The following DPH1 variants were observed in gnomAD, a reference collection of about 807,000 sequenced individuals.
DPH1 encodes the protein diphthamide biosynthesis 1.
In DPH1, 59 loss-of-function variants were observed where a neutral mutation model predicts 55.3. The ratio of observed to expected loss-of-function variants is 1.07; its 90% confidence interval spans 0.87 to 1.33. The LOEUF is 1.33. Ranked by LOEUF, DPH1 falls within the 40% of genes most tolerant of loss-of-function variation. DPH1 has a pLI of 0.00. For synonymous variants in DPH1, 238 were observed against 235.5 expected, an observed-to-expected ratio of 1.01 and a Z score of -0.10; for missense variants, 628 against 584.8, an observed-to-expected ratio of 1.07 and a Z score of -0.76.
At position 2,040,534 on chromosome 17, in the gene DPH1, C is replaced by G; in HGVS notation, c.936C>G (p.Gly312=). Residue 312 remains glycine (G), a synonymous_variant, in exon 9 of 13, where the codon GGC becomes GGG. Coordinates refer to ENST00000263083, the MANE Select transcript of DPH1 (RefSeq NM_001383.6). ...EHLESRLRAL[G]LSFVRLLLSE... ...TGGAATCTCGACTCCGAGCCTTGGGCCTTTCCTTTGTGAGGCTGCTGCTCT... is the reference window on the plus strand; with the variant it reads ...TGGAATCTCGACTCCGAGCCTTGGGGCTTTCCTTTGTGAGGCTGCTGCTCT... 6.2e-7 allele frequency: 1 copy of G among 1,614,196 alleles called. No individual in the cohort carries two copies. Among genetic ancestry groups the G allele is most frequent in the African/African-American group, 1.3e-5 (1 of 75,056 alleles).
At chr17:2,033,396 T>C (rs1452349484) in intron 1 of DPH1, 109 bp from the exon 2 acceptor site, 2 of 1,554,288 alleles carry the variant, frequency 1.3e-6, no homozygotes, top group East Asian at 2.3e-5. Flanking sequence ...AATTTTTATT[T>C]CTATGCTTGA....
chr17:2,033,922 C>T (rs1417731773), intron 3 of DPH1, 80 bp downstream of exon 3: 2 of 1,550,498 alleles, frequency 1.3e-6, no homozygotes, highest in East Asian at 2.3e-5. Context: ...GGGTAAAGCC[C>T]TGGTGGCGGG....
At chr17:2,041,035 G>A in intron 9 of DPH1, 68 bp from the exon 10 acceptor site, 1 of 1,482,306 alleles carries the variant, frequency 6.7e-7, no homozygotes, top group Non-Finnish European at 9.2e-7. Context: ...GCACTGTCAT[G>A]TTCTTCAGCA....
chr17:2,037,276 A>G (rs965163186), intron 6 of DPH1: 8 of 218,740 alleles, frequency 3.7e-5, no homozygotes, highest in Non-Finnish European at 6.3e-5. Context: ...CAGCCCCATT[A>G]ATTTACCATC....
chr17:2,035,214 G>T (rs1227101684), intron 3 of DPH1, among the ~76,000 whole-genome samples: 1 of 152,060 alleles, frequency 6.6e-6, no homozygotes, highest in East Asian at 1.9e-4. Flanking sequence ...TTCCTAGGGT[G>T]AGTTCAGGGG....
intron 1 of DPH1, among the ~76,000 whole-genome samples, chr17:2,030,946 C>T (rs980548857): frequency 2.6e-5 from 4 of 152,216 alleles, no homozygotes; most frequent in African/African-American, 7.2e-5. Context: ...TCCCCACCGC[C>T]GCCCACACAG....
rs1299453059 is a variant in DPH1 at position 2,041,758 on chromosome 17, G to A, written c.1228-10G>A. On this transcript the variant is annotated splice_polypyrimidine_tract_variant and intron_variant, in intron 11 of 12. Coordinates refer to ENST00000263083, the MANE Select transcript of DPH1 (RefSeq NM_001383.6). ...AGGAGCGAGACCCTAACCAAAGTCT[G>A]CGACCTCAGGTGCAGGAGGGGTCCG... 6 of 1,600,708 alleles carry A rather than the reference G, an allele frequency of 3.7e-6. No individual in the cohort carries two copies. Among genetic ancestry groups the A allele is most frequent in the African/African-American group, 1.3e-5 (1 of 74,574 alleles).
intron 1 of DPH1, among the ~76,000 whole-genome samples, chr17:2,032,183 G>A (rs548129993): frequency 5.3e-5 from 8 of 152,290 alleles, no homozygotes; most frequent in Admixed American, 5.2e-4. Flanking sequence ...ATATCTAGAA[G>A]CTCAAAACTT....
intron 1 of DPH1, chr17:2,033,299 T>C: frequency 2.9e-6 from 2 of 694,660 alleles, no homozygotes; most frequent in South Asian, 1.9e-5. Context: ...TTGTTTATTA[T>C]CTTCTTGTTT....
chr17:2,040,732 C>A, intron 9 of DPH1, 127 bp downstream of exon 9: 1 of 1,117,896 alleles, frequency 8.9e-7, no homozygotes. Context: ...TTACAGAGAC[C>A]TCCCTGGGAG....
At chr17:2,041,975 T>A in intron 12 of DPH1, 100 bp downstream of exon 12, 15 of 1,504,666 alleles carry the variant, frequency 1.0e-5, no homozygotes, top group Non-Finnish European at 1.3e-5. Flanking sequence ...GACGTTCGGT[T>A]CCGCCCCGTG....
intron 3 of DPH1, 27 bp from the exon 4 acceptor site, chr17:2,035,943 C>T: frequency 6.2e-7 from 1 of 1,613,510 alleles, no homozygotes; most frequent in Non-Finnish European, 8.5e-7. Flanking sequence ...GTCCCTGTCC[C>T]ACCGTTCCCC....
At chr17:2,032,983 C>G (rs1201033663) in intron 1 of DPH1, among the ~76,000 whole-genome samples, 1 of 152,202 alleles carries the variant, frequency 6.6e-6, no homozygotes, top group Non-Finnish European at 1.5e-5. Flanking sequence ...CCGCCCGCCT[C>G]AGCCTCCCAA....
At position 2,036,829 on chromosome 17, in the gene DPH1, C is replaced by A. The variant is rs769384703; in HGVS notation, c.559-6C>A. 3 of 1,613,284 alleles carry A rather than the reference C, an allele frequency of 1.9e-6. No individual in the cohort carries two copies. The Admixed American group carries it at 5.0e-5, about 27-fold the overall frequency. ...GCTGGCTTCACTTCCCTCGTCATTCCTACAGGCAGCCGCCCAGGAGCTGAA... is the reference window on the plus strand; with the variant it reads ...GCTGGCTTCACTTCCCTCGTCATTCATACAGGCAGCCGCCCAGGAGCTGAA... On this transcript the variant is annotated splice_polypyrimidine_tract_variant and splice_region_variant and intron_variant, in intron 5 of 12. Transcript: ENST00000263083. The surrounding 1 kb of genome is among the most constrained non-coding windows in gnomAD (Gnocchi z 4.8).
intron 7 of DPH1, 106 bp from the exon 8 acceptor site, chr17:2,040,112 G>A (rs999155718): frequency 1.6e-5 from 23 of 1,466,620 alleles, no homozygotes; most frequent in East Asian, 1.4e-4. Flanking sequence ...AATTACCTGC[G>A]TGGGGCCTAA....
At chr17:2,042,070 G>T in intron 12 of DPH1, 195 bp downstream of exon 12, 1 of 1,557,346 alleles carries the variant, frequency 6.4e-7, no homozygotes, top group South Asian at 1.2e-5. Flanking sequence ...CGACCCCTGC[G>T]GGTCCTGTGC....
In DPH1 at chr17:2,030,223, T is replaced by C; in HGVS notation, c.54T>C (p.Pro18=). 1 of 1,585,410 alleles carries C rather than the reference T, an allele frequency of 6.3e-7. No homozygotes were observed. Among genetic ancestry groups the C allele is most frequent in the South Asian group, 1.2e-5 (1 of 86,746 alleles). Reference sequence around the variant, plus strand: ...CGGAGCAGGGCGGCCGAGACGGCCCTGGCAGAGGTGGGTGCTGGAACGCTG... The same window carrying C: ...CGGAGCAGGGCGGCCGAGACGGCCCCGGCAGAGGTGGGTGCTGGAACGCTG... ...GAAEQGGRDG[P]GRGRAPRGRV... is the part of the protein sequence containing the mutation. Residue 18 remains proline, a synonymous_variant, in exon 1 of 13, where the codon CCT becomes CCC. Transcript: ENST00000263083.
In DPH1 at chr17:2,036,828, C is replaced by T; in HGVS notation, c.559-7C>T. 1 of 1,613,202 alleles carries T rather than the reference C, an allele frequency of 6.2e-7. No homozygotes were observed. The highest frequency in any genetic ancestry group is 8.5e-7 in the Non-Finnish European group (1 of 1,179,680). On this transcript the variant is annotated splice_polypyrimidine_tract_variant and splice_region_variant and intron_variant, in intron 5 of 12. Transcript: ENST00000263083. This position sits in a 1 kb window ranked among gnomAD's most constrained non-coding sequence, Gnocchi z 4.8. The stretch of plus-strand genomic sequence containing the variant: ...CGCTGGCTTCACTTCCCTCGTCATT[C>T]CTACAGGCAGCCGCCCAGGAGCTGA...
At position 2,041,279 on chromosome 17, in the gene DPH1, C is replaced by A. The variant is rs543086314; in HGVS notation, c.1086+98C>A. 2.8e-4 allele frequency: 421 copies of A among 1,489,402 alleles called. 1 individual carries two copies. Among genetic ancestry groups the A allele is most frequent in the Middle Eastern group, 2.2e-3 (13 of 5,878 alleles). The allele number at this position is 1,489,402 out of a possible 1,614,324, so 92.3% of individuals were successfully genotyped here. ...TGGGTGGGCAGCACTTCGTTATGTT[C>A]GTAGATTCCGGAGTCTGTCTCGATT... On this transcript the variant is annotated intron_variant, in intron 10 of 12. Transcript: ENST00000263083.
Sources: gnomAD v4.1 joint callset for allele counts (sites outside exome capture counted in the v4.1 genomes callset) on GRCh38, gnomAD v4.1.1 for gene constraint, Gnocchi (gnomAD v3.1) non-coding constraint, MANE v1.5 for transcripts, NCBI Gene and HGNC (gene_info 2026-07-23, HGNC 2026-07-21) for gene names.